The following ZNF398 variants were observed in gnomAD, a reference collection of about 807,000 sequenced individuals.
ZNF398 encodes the protein zinc finger DNA binding protein ZER6.
A neutral mutation model predicts 41.9 loss-of-function variants in ZNF398; 18 were observed. The ratio of observed to expected loss-of-function variants is 0.43; its 90% CI spans 0.30 to 0.64. The LOEUF (loss-of-function observed/expected upper bound fraction) is 0.64. Among genes scored for constraint, ZNF398 ranks in the 30% least tolerant of loss-of-function variants. The pLI, the probability that ZNF398 is intolerant of heterozygous loss-of-function variation, is 0.14. For synonymous variants in ZNF398, 260 were observed against 308.8 expected (o/e 0.84, Z 1.66); for missense variants, 669 against 822.8 (o/e 0.81, Z 2.29).
chr7:149,126,959 A>G (rs559030933), intron 1 of ZNF398, among the ~76,000 whole-genome samples: 1 of 152,306 alleles, frequency 6.6e-6, no homozygotes, highest in South Asian at 2.1e-4. Context: ...CAGAGACCCC[A>G]TGCGGAAGCC....
intron 2 of ZNF398, among the ~76,000 whole-genome samples, chr7:149,160,101 C>T (rs1795075561): frequency 6.6e-6 from 1 of 151,878 alleles, no homozygotes. Flanking sequence ...ATATCTATCA[C>T]CTGAAGCATT....
At chr7:149,145,489 C>T (rs1826918476), upstream of ZNF398, among the ~76,000 whole-genome samples, 2 of 152,152 alleles carry the variant, frequency 1.3e-5, no homozygotes, top group African/African-American at 4.8e-5. Flanking sequence ...GATTTGCATC[C>T]CTGTTGTTCC....
At chr7:149,134,391 C>T (rs1357913221) in intron 2 of ZNF398, among the ~76,000 whole-genome samples, 2 of 150,744 alleles carry the variant, frequency 1.3e-5, no homozygotes, top group East Asian at 3.9e-4. Context: ...ACGCTCAGCC[C>T]GTTTTTGTCT....
chr7:149,166,962 C>A, intron 4 of ZNF398, 32 bp downstream of exon 4: 1 of 1,496,550 alleles, frequency 6.7e-7, no homozygotes, highest in Non-Finnish European at 9.2e-7. Flanking sequence ...TACTTCTTGT[C>A]TCCCTTTCCT....
intron 4 of ZNF398, among the ~76,000 whole-genome samples, chr7:149,170,770 G>T (rs1795320264): frequency 6.6e-6 from 1 of 151,996 alleles, no homozygotes; most frequent in African/African-American, 2.4e-5. Flanking sequence ...TCTCTATAGG[G>T]CACTTGCCAT....
At chr7:149,132,366 G>A (rs182918570) in intron 2 of ZNF398, among the ~76,000 whole-genome samples, 2 of 151,770 alleles carry the variant, frequency 1.3e-5, no homozygotes, top group Non-Finnish European at 2.9e-5. Context: ...TGCTAATTTT[G>A]TATTTTTAGT....
At position 149,147,898 on chromosome 7, in the gene ZNF398, T is replaced by C. The variant is rs1039782749; in HGVS notation, c.24+132T>C. On this transcript the variant is annotated intron_variant, in intron 1 of 5. Coordinates refer to ENST00000475153, the MANE Select transcript of ZNF398 (RefSeq NM_170686.3). The surrounding 1 kb of genome is among the most constrained non-coding windows in gnomAD (Gnocchi z 5.6). ...CGCCGGCCACGTCGCCTGTCGCCCG[T>C]GCTTGGCGGCTGCAGCCTCGCGTGA... 2 of 1,124,498 alleles carry C rather than the reference T, an allele frequency of 1.8e-6. No homozygotes were observed. Among genetic ancestry groups the C allele is most frequent in the African/African-American group, 3.3e-5 (2 of 61,446 alleles). The allele number at this position is 1,124,498 out of a possible 1,614,324, so 69.7% of individuals were successfully genotyped here.
chr7:149,154,938 G>A (rs1358299329), intron 2 of ZNF398, among the ~76,000 whole-genome samples: 2 of 150,512 alleles, frequency 1.3e-5, no homozygotes, highest in African/African-American at 2.4e-5. Flanking sequence ...GCAGTGAGTC[G>A]AGATCATGCC....
At chr7:149,143,988 G>A (rs1014847360), upstream of ZNF398, among the ~76,000 whole-genome samples, 27 of 152,148 alleles carry the variant, frequency 1.8e-4, no homozygotes, top group Non-Finnish European at 3.7e-4. Flanking sequence ...ATCTGCTTCT[G>A]AAAATATTGT....
chr7:149,180,883 T>G lies in ZNF398; in HGVS notation c.*1082T>G, dbSNP rs575988294. The G allele has an allele frequency of 6.6e-6, 1 of 152,236 alleles. No individual in the cohort carries two copies. The highest frequency in any genetic ancestry group is 1.5e-5 in the Non-Finnish European group (1 of 68,002). 9.4% of individuals were successfully genotyped at this position (152,236 alleles called of 1,614,324 possible). A position where few individuals can be genotyped will look rare whatever the true frequency, so the allele number is the denominator to read the frequency against. ...AGCTTCCTTGAGCCATCAGAGAGAG[T>G]GTATGTTCACCCTATCTGGCTGTAT... is the stretch of plus-strand genomic sequence containing the variant. On this transcript the variant is annotated 3_prime_UTR_variant, in exon 6 of 6. Coordinates refer to ENST00000475153, the MANE Select transcript of ZNF398 (RefSeq NM_170686.3).
chr7:149,127,097 A>AACGC (rs961294684), intron 1 of ZNF398, among the ~76,000 whole-genome samples: 1 of 152,190 alleles, frequency 6.6e-6, no homozygotes, highest in African/African-American at 2.4e-5. Flanking sequence ...ACAGGGCGTG[A>AACGC]GAAACACGAA....
Position 149,179,238 on chromosome 7 carries a change from C to T in ZNF398, c.1366C>T (p.Arg456Cys), listed in dbSNP as rs757002812. 61 of 1,613,474 alleles carry T rather than the reference C, an allele frequency of 3.8e-5. No homozygotes were observed. The highest frequency in any genetic ancestry group is 1.2e-4 in the Admixed American group (7 of 60,026). Residue 456 changes from arginine to cysteine, a missense_variant, in exon 6 of 6, where the codon CGC (arginine) becomes TGC (cysteine). Physicochemically the swap from Arg to Cys is radical, Grantham distance 180. This residue lies in a region of ZNF398 where 210 missense variants were observed against 290.4 expected (regional missense o/e 0.72). Transcript: ENST00000475153. This position sits in a 1 kb window ranked among gnomAD's most constrained non-coding sequence, Gnocchi z 6.1. The part of the protein sequence containing the change: ...RRAHASERPF[R>C]CAQCGRSFSL... ...AGCTCATGCAAGCGAAAGGCCCTTC[C>T]GCTGTGCCCAGTGCGGCAGGAGCTT...
chr7:149,129,581 T>C (rs753613888), intron 2 of ZNF398, among the ~76,000 whole-genome samples: 23 of 151,926 alleles, frequency 1.5e-4, no homozygotes, highest in Non-Finnish European at 1.9e-4. Flanking sequence ...GGTTTCACCA[T>C]ATTGGTCAGG....
At chr7:149,160,295 G>A (rs1795081349) in intron 2 of ZNF398, among the ~76,000 whole-genome samples, 1 of 152,142 alleles carries the variant, frequency 6.6e-6, no homozygotes, top group Non-Finnish European at 1.5e-5. Context: ...GCCAGATGTG[G>A]TGGTGGGGGC....
intron 4 of ZNF398, among the ~76,000 whole-genome samples, chr7:149,174,545 C>G (rs1467091863): frequency 6.6e-6 from 1 of 152,108 alleles, no homozygotes; most frequent in East Asian, 1.9e-4. Context: ...GGTTTTTTGG[C>G]TAGGCATGGT....
intron 2 of ZNF398, among the ~76,000 whole-genome samples, chr7:149,160,981 G>A (rs1345064376): frequency 6.6e-6 from 1 of 152,092 alleles, no homozygotes; most frequent in East Asian, 1.9e-4. Flanking sequence ...GCACCCCAAG[G>A]AGGCCTGTCA....
intron 4 of ZNF398, among the ~76,000 whole-genome samples, chr7:149,167,422 T>A (rs1159023743): frequency 6.6e-6 from 1 of 152,192 alleles, no homozygotes; most frequent in Non-Finnish European, 1.5e-5. Context: ...GGTTGGCAGC[T>A]GCTTAACATT....
chr7:149,126,442 A>C, exon 1 of ZNF398: 1 of 722,702 alleles, frequency 1.4e-6, no homozygotes, highest in Non-Finnish European at 2.1e-6. Flanking sequence ...GGGCCCGGGC[A>C]CCCTCCGTGC....
chr7:149,144,220 T>C (rs1164723274), upstream of ZNF398, among the ~76,000 whole-genome samples: 1 of 152,224 alleles, frequency 6.6e-6, no homozygotes. Flanking sequence ...GTTGGAAGTC[T>C]TATTTAGTAA....
Sources: gnomAD v4.1 joint callset for allele counts (sites outside exome capture counted in the v4.1 genomes callset) on GRCh38, gnomAD v4.1.1 for gene constraint, gnomAD v4.1.1 regional missense constraint, Gnocchi (gnomAD v3.1) non-coding constraint, MANE v1.5 for transcripts, NCBI Gene and HGNC (gene_info 2026-07-23, HGNC 2026-07-21) for gene names.